HEATR6: variants seen among roughly 807,000 people sequenced by gnomAD.
HEATR6 encodes HEAT repeat-containing protein 6.
A neutral mutation model predicts 132.8 loss-of-function variants in HEATR6; 106 were observed. That is an observed-to-expected ratio of 0.80 (90% confidence interval 0.68 to 0.94). HEATR6 has a LOEUF of 0.94. HEATR6 is among the 40% of genes least tolerant of loss of function. HEATR6 has a pLI of 0.00. For synonymous variants in HEATR6, 529 were observed against 537.8 expected (o/e 0.98, Z 0.23); for missense variants, 1,339 against 1,425.1 (o/e 0.94, Z 0.97).
Position 60,069,789 on chromosome 17 carries a change from T to G in HEATR6, c.861A>C (p.Pro287=). 1 of 1,614,022 alleles carries G rather than the reference T, an allele frequency of 6.2e-7. No individual in the cohort carries two copies. Among genetic ancestry groups the G allele is most frequent in the Non-Finnish European group, 8.5e-7 (1 of 1,179,974 alleles). ...LNIEMPTVLY[P]TPLPQYDGRT... is the part of the protein sequence containing the mutation. ...GCCCATCATACTGAGGAAGCGGAGT[T>G]GGGTATAACACCGTGGGCATCTCTA... Residue 287 remains proline, a synonymous_variant, in exon 7 of 20, where the codon CCA becomes CCC. Coordinates refer to ENST00000184956, the MANE Select transcript of HEATR6 (RefSeq NM_022070.5).
At chr17:60,056,935 T>C (rs2145188552) in intron 12 of HEATR6, 113 bp downstream of exon 12, 1 of 711,246 alleles carries the variant, frequency 1.4e-6, no homozygotes, top group Non-Finnish European at 2.3e-6. Context: ...TAAAATACAA[T>C]TCCCACGAAC....
At chr17:60,047,593 C>CA (rs56109196) in intron 17 of HEATR6, among the ~76,000 whole-genome samples, 188 bp from the exon 18 acceptor site, 29,549 of 140,930 alleles carry the variant, frequency 0.21, 5,956 homozygotes, top group African/African-American at 0.53. Context: ...AGGAATGTCT[C>CA]AAAAAAAAAA....
chr17:60,060,591 T>C (rs745950309), intron 9 of HEATR6, among the ~76,000 whole-genome samples: 9 of 152,202 alleles, frequency 5.9e-5, no homozygotes, highest in Non-Finnish European at 1.0e-4. Flanking sequence ...ACTGAAAAGT[T>C]AGAACTAAAC....
intron 1 of HEATR6, among the ~76,000 whole-genome samples, chr17:60,078,477 G>A (rs994014920): frequency 6.6e-6 from 1 of 151,896 alleles, no homozygotes; most frequent in African/African-American, 2.4e-5. Context: ...CAGAGCAGGA[G>A]TCGTCAAGTT....
Position 60,076,159 on chromosome 17 carries a change from G to C in HEATR6, c.298C>G (p.Leu100Val), listed in dbSNP as rs780747916. The change falls in exon 2 of 20, where the codon CTT (leucine) becomes GTT (valine). Residue 100 changes from leucine to valine, a missense_variant. Coordinates refer to ENST00000184956, the MANE Select transcript of HEATR6 (RefSeq NM_022070.5). Reference sequence around the variant, plus strand: ...AATCTGTTAAGTAAATGGTGGATAAGCTGGCTCACTTTGCTGACAAGATGA... The same window carrying C: ...AATCTGTTAAGTAAATGGTGGATAACCTGGCTCACTTTGCTGACAAGATGA... ...QNHLVSKVSQ[L>V]IHHLLNRLQV... 1 of 1,609,982 alleles carries C rather than the reference G, an allele frequency of 6.2e-7. No individual in the cohort carries two copies. The highest frequency in any genetic ancestry group is 8.5e-7 in the Non-Finnish European group (1 of 1,177,318).
intron 9 of HEATR6, chr17:60,063,636 T>C (rs946562841): frequency 6.2e-5 from 10 of 161,716 alleles, no homozygotes; most frequent in African/African-American, 1.9e-4. Flanking sequence ...CCTCTGTTTA[T>C]TGTTGGCATT....
chr17:60,067,457 T>C lies in HEATR6; in HGVS notation c.1215A>G (p.Glu405=), dbSNP rs781497504. 2 of 1,560,660 alleles carry C rather than the reference T, an allele frequency of 1.3e-6. No homozygotes were observed. The highest frequency in any genetic ancestry group is 1.7e-6 in the Non-Finnish European group (2 of 1,157,928). Residue 405 remains glutamate (E), a synonymous_variant, in exon 8 of 20, where the codon GAA becomes GAG. Coordinates refer to ENST00000184956, the MANE Select transcript of HEATR6 (RefSeq NM_022070.5). ...ACCTCATTTTACTCTGCATGCCTCC[T>C]TCAGCATCAGAAAAGTCTGACTCAC... ...SSSESDFSDA[E]GGMQSKMRSY...
chr17:60,052,935 C>T (rs1483984955), intron 14 of HEATR6, among the ~76,000 whole-genome samples: 1 of 152,152 alleles, frequency 6.6e-6, no homozygotes, highest in Non-Finnish European at 1.5e-5. Context: ...AGCCTTGTGA[C>T]TGAAGGGTTA....
Position 60,070,811 on chromosome 17 carries a change from G to A in HEATR6, c.700-4C>T, listed in dbSNP as rs1249233728. 2 of 1,488,424 alleles carry A rather than the reference G, an allele frequency of 1.3e-6. No homozygotes were observed. Among genetic ancestry groups the A allele is most frequent in the Non-Finnish European group, 1.9e-6 (2 of 1,065,718 alleles). 92.2% of individuals were successfully genotyped at this position (1,488,424 alleles called of 1,614,324 possible). ...CTTTTAATGCATTTTGCAATAACTA[G>A]GGGGAAAAGGGAGACCCAGTTAGAA... is the stretch of plus-strand genomic sequence containing the variant. On this transcript the variant is annotated splice_region_variant and splice_polypyrimidine_tract_variant and intron_variant, in intron 5 of 19. Coordinates refer to ENST00000184956, the MANE Select transcript of HEATR6 (RefSeq NM_022070.5).
Position 60,046,083 on chromosome 17 carries a change from G to T in HEATR6, c.2916C>A (p.Val972=), listed in dbSNP as rs1451304120. The T allele has an allele frequency of 6.2e-7, 1 of 1,614,058 alleles. No homozygotes were observed. Among genetic ancestry groups the T allele is most frequent in the Non-Finnish European group, 8.5e-7 (1 of 1,179,976 alleles). Reference sequence around the variant, plus strand: ...CCATTGCATAACAAGCATTCCATCGGACTTTCATGGCAGCTTCTGTTAGAA... The same window carrying T: ...CCATTGCATAACAAGCATTCCATCGTACTTTCATGGCAGCTTCTGTTAGAA... ...STVLTEAAMK[V]RWNACYAMGN... The change falls in exon 19 of 20, where the codon GTC becomes GTA. Residue 972 remains valine (V), a synonymous_variant. Coordinates refer to ENST00000184956, the MANE Select transcript of HEATR6 (RefSeq NM_022070.5).
In HEATR6 at chr17:60,076,164, C is replaced by T; in HGVS notation, c.293G>A (p.Ser98Asn). The change falls in exon 2 of 20, where the codon AGC becomes AAC. Residue 98 changes from serine (S) to asparagine (N), a missense_variant. Physicochemically the swap from Ser to Asn is conservative, Grantham distance 46. Coordinates refer to ENST00000184956, the MANE Select transcript of HEATR6 (RefSeq NM_022070.5). ...LNQNHLVSKV[S>N]QLIHHLLNRL... The stretch of plus-strand genomic sequence containing the variant: ...GTTAAGTAAATGGTGGATAAGCTGG[C>T]TCACTTTGCTGACAAGATGATTCTG... 6.2e-7 allele frequency: 1 copy of T among 1,611,424 alleles called. No individual in the cohort carries two copies. Among genetic ancestry groups the T allele is most frequent in the Non-Finnish European group, 8.5e-7 (1 of 1,178,724 alleles).
intron 1 of HEATR6, among the ~76,000 whole-genome samples, chr17:60,078,018 G>C (rs796314912): frequency 7.2e-5 from 11 of 152,312 alleles, no homozygotes; most frequent in African/African-American, 2.4e-4. Context: ...GGGAATGCGT[G>C]TTTGGAGCTA....
At chr17:60,062,636 C>T (rs536077974) in intron 9 of HEATR6, among the ~76,000 whole-genome samples, 12 of 152,122 alleles carry the variant, frequency 7.9e-5, no homozygotes, top group Non-Finnish European at 1.8e-4. Flanking sequence ...CATGACTGTT[C>T]ACATGTTATT....
chr17:60,054,805 A>C lies in HEATR6; in HGVS notation c.2289+710T>G, dbSNP rs542916399. On this transcript the variant is annotated intron_variant, in intron 14 of 19. Transcript: ENST00000184956. ...ACTTTGAACTTTTGAGTGATGCCGT[A>C]AAGAGTTAAGACTTTGGGGAACTAT... Among the ~76,000 whole-genome samples, 6 of 152,350 alleles carry C rather than the reference A, an allele frequency of 3.9e-5. No homozygotes were observed. In the South Asian group the frequency reaches 1.2e-3, roughly 32 times the overall value.
rs11339664 is a variant in HEATR6 at position 60,067,269 on chromosome 17, CAAAAAAA to C, written c.1238+158_1238+164del. On this transcript the variant is annotated intron_variant, in intron 8 of 19. Coordinates refer to ENST00000184956, the MANE Select transcript of HEATR6 (RefSeq NM_022070.5). The stretch of plus-strand genomic sequence containing the variant: ...TGGGCGACAGAGCGAGACTCCGTCT[CAAAAAAA>C]AAAAAAAAAAAAAAGAGAACAAGTC... Among the ~76,000 whole-genome samples, 6 of 61,128 alleles carry C rather than the reference CAAAAAAA, an allele frequency of 9.8e-5. No individual in the cohort carries two copies. The East Asian group carries it at 2.1e-3, about 22-fold the overall frequency. 40.1% of individuals were successfully genotyped at this position (61,128 alleles called of 152,430 possible).
chr17:60,076,387 C>A, intron 1 of HEATR6, 150 bp from the exon 2 acceptor site: 1 of 583,104 alleles, frequency 1.7e-6, no homozygotes, highest in Non-Finnish European at 3.0e-6. Context: ...GAAGTGATAG[C>A]ACAAAAACAG....
chr17:60,049,518 C>T (rs1906511320), intron 16 of HEATR6, 62 bp downstream of exon 16: 1 of 1,595,082 alleles, frequency 6.3e-7, no homozygotes, highest in Non-Finnish European at 8.6e-7. Context: ...TCTATATCCA[C>T]AAAATAGGGG....
At chr17:60,065,106 CAT>C (rs1034171582) in intron 9 of HEATR6, among the ~76,000 whole-genome samples, 5 of 152,196 alleles carry the variant, frequency 3.3e-5, no homozygotes, top group African/African-American at 1.2e-4. Context: ...TGCCACCACT[CAT>C]TTTTCCATTT....
Position 60,057,349 on chromosome 17 carries a change from T to C in HEATR6, c.1778A>G (p.His593Arg), listed in dbSNP as rs1906778467. 1 of 1,613,718 alleles carries C rather than the reference T, an allele frequency of 6.2e-7. No individual in the cohort carries two copies. The highest frequency in any genetic ancestry group is 8.5e-7 in the Non-Finnish European group (1 of 1,179,876). Residue 593 changes from histidine (H) to arginine (R), a missense_variant, in exon 12 of 20, where the codon CAC becomes CGC. Physicochemically the swap from His to Arg is conservative, Grantham distance 29 (BLOSUM62 0). Transcript: ENST00000184956. ...TAGTTGGACTTCAGGTAAAGGTGCG[T>C]GGGTGGACACTATAGCTCCCAAGAG... ...LTLLGAIVSTHAPLPEVQLLL... is the reference protein window; with the variant it reads ...LTLLGAIVSTRAPLPEVQLLL...
Sources: gnomAD v4.1 joint callset for allele counts (sites outside exome capture counted in the v4.1 genomes callset) on GRCh38, gnomAD v4.1.1 for gene constraint, MANE v1.5 for transcripts, NCBI Gene and HGNC (gene_info 2026-07-23, HGNC 2026-07-21) for gene names.